The following CNST variants were observed in gnomAD, a reference collection of about 807,000 sequenced individuals.
CNST encodes consortin, connexin sorting protein.
In CNST, 39 loss-of-function variants were observed where a neutral mutation model predicts 72.4. That is an observed-to-expected ratio of 0.54 (90% CI 0.42 to 0.70). The LOEUF is 0.70. CNST is among the 30% of genes least tolerant of loss of function. CNST has a pLI of 0.00. For missense variants in CNST, 871 were observed against 868.5 expected, an observed-to-expected ratio of 1.00 and a Z score of -0.04; for synonymous variants, 332 against 320.1, an observed-to-expected ratio of 1.04 and a Z score of -0.40.
At chr1:246,639,890 G>A (rs1178843525) in intron 6 of CNST, among the ~76,000 whole-genome samples, 2 of 150,728 alleles carry the variant, frequency 1.3e-5, no homozygotes, top group African/African-American at 4.9e-5. Context: ...AACAGGAAGT[G>A]TCCCTGTCTG....
At position 246,604,058 on chromosome 1, in the gene CNST, C is replaced by T. The variant is rs1662502666; in HGVS notation, c.379+12117C>T. On this transcript the variant is annotated intron_variant, in intron 2 of 10. Coordinates refer to ENST00000366513, the MANE Select transcript of CNST (RefSeq NM_152609.3). ...GGCCAACTGGCCAACACGGTGAAAC[C>T]CCATCTCTACTAAAACTACAAAAAC... Among the ~76,000 whole-genome samples the T allele has an allele frequency of 2.6e-5, 4 of 152,196 alleles. No individual in the cohort carries two copies. In the South Asian group the frequency reaches 8.3e-4, roughly 32 times the overall value.
chr1:246,652,968 C>T (rs1666566809), intron 9 of CNST, among the ~76,000 whole-genome samples: 1 of 150,828 alleles, frequency 6.6e-6, no homozygotes, highest in Non-Finnish European at 1.5e-5. Context: ...TGCACCACTG[C>T]ACTCCAGCCT....
At chr1:246,566,841 T>C in intron 1 of CNST, 178 bp downstream of exon 1, 2 of 395,124 alleles carry the variant, frequency 5.1e-6, no homozygotes, top group Non-Finnish European at 8.9e-6. Context: ...GTCGCCTGTT[T>C]TCCTCTCCTT....
chr1:246,605,043 C>A (rs555959557), intron 2 of CNST, among the ~76,000 whole-genome samples: 2 of 152,086 alleles, frequency 1.3e-5, no homozygotes, highest in African/African-American at 2.4e-5. Context: ...TTCAGACATA[C>A]GAGAAAATCA....
chr1:246,605,958 T>TC (rs1230560213), intron 2 of CNST: 4 of 151,618 alleles, frequency 2.6e-5, no homozygotes, highest in South Asian at 2.1e-4. Context: ...GAGTTATTCA[T>TC]CCCCCCAAGC....
intron 9 of CNST, among the ~76,000 whole-genome samples, chr1:246,654,532 C>G (rs1182965715): frequency 6.6e-6 from 1 of 152,220 alleles, no homozygotes; most frequent in Non-Finnish European, 1.5e-5. Flanking sequence ...TCCTGTCTAG[C>G]TGTAATCTCT....
At chr1:246,573,861 G>GAA (rs11399411) in intron 1 of CNST, among the ~76,000 whole-genome samples, 1 of 151,956 alleles carries the variant, frequency 6.6e-6, no homozygotes, top group Admixed American at 6.6e-5. Flanking sequence ...CAGTGTAAGT[G>GAA]AAAAAATGTG....
chr1:246,600,448 G>C (rs1452277517), intron 2 of CNST, among the ~76,000 whole-genome samples: 2 of 152,140 alleles, frequency 1.3e-5, no homozygotes, highest in Non-Finnish European at 2.9e-5. Context: ...AGAGTTAAGG[G>C]GTTTTACAGT....
intron 6 of CNST, among the ~76,000 whole-genome samples, chr1:246,639,808 A>G (rs1365371806): frequency 6.6e-6 from 1 of 152,226 alleles, no homozygotes; most frequent in Non-Finnish European, 1.5e-5. Context: ...GCACCTGGGT[A>G]TAGACGGGCT....
chr1:246,658,937 C>T (rs961142848), intron 9 of CNST, among the ~76,000 whole-genome samples: 10 of 152,192 alleles, frequency 6.6e-5, no homozygotes, highest in African/African-American at 2.4e-4. Flanking sequence ...TCTTCCTGCA[C>T]CTTGGAGTCT....
chr1:246,635,063 C>T (rs1330350545), intron 6 of CNST, among the ~76,000 whole-genome samples: 3 of 152,114 alleles, frequency 2.0e-5, no homozygotes, highest in Non-Finnish European at 4.4e-5. Context: ...GGGACTGGGT[C>T]TGAGGAGGGA....
intron 8 of CNST, among the ~76,000 whole-genome samples, chr1:246,646,849 A>T (rs993298228): frequency 3.3e-5 from 5 of 152,236 alleles, no homozygotes; most frequent in African/African-American, 1.2e-4. Flanking sequence ...AGTTTAATAA[A>T]GTTCAGAATA....
At chr1:246,583,512 A>G (rs971859054) in intron 1 of CNST, among the ~76,000 whole-genome samples, 1 of 152,172 alleles carries the variant, frequency 6.6e-6, no homozygotes, top group African/African-American at 2.4e-5. Flanking sequence ...TTTATTAGCT[A>G]CTTTTAGAAT....
rs1307114962 is a variant in CNST at position 246,619,966 on chromosome 1, C to T, written c.380-1463C>T. Among the ~76,000 whole-genome samples, 9 of 85,708 alleles carry T rather than the reference C, an allele frequency of 1.1e-4. No individual in the cohort carries two copies. The East Asian group carries it at 2.4e-3, about 23-fold the overall frequency. The allele number at this position is 85,708 out of a possible 152,430, so 56.2% of individuals were successfully genotyped here. A position where few individuals can be genotyped will look rare whatever the true frequency, so the allele number is the denominator to read the frequency against. On this transcript the variant is annotated intron_variant, in intron 2 of 10. Coordinates refer to ENST00000366513, the MANE Select transcript of CNST (RefSeq NM_152609.3). The stretch of plus-strand genomic sequence containing the variant: ...GGGAGGACGGCTTCAGTCGTGCATA[C>T]ACACGATGGGCTCTGGGAACACTCT...
intron 2 of CNST, chr1:246,607,777 A>T (rs1046508451): frequency 1.3e-5 from 2 of 152,168 alleles, no homozygotes; most frequent in African/African-American, 4.8e-5. Context: ...GGGAGGAGTT[A>T]TTCATCCCCC....
rs532248242 is a variant in CNST at position 246,638,711 on chromosome 1, A to G, written c.819-3038A>G. 1.9e-4 allele frequency among the ~76,000 whole-genome samples: 29 copies of G among 152,248 alleles called. No individual in the cohort carries two copies. The East Asian group carries it at 5.4e-3, about 28-fold the overall frequency. On this transcript the variant is annotated intron_variant, in intron 6 of 10. Transcript: ENST00000366513. Reference sequence around the variant, plus strand: ...GCATGTCGGCATCCTTGATGTAGGAAGGAACTGCCATCTACAAACCAAGTA... The same window carrying G: ...GCATGTCGGCATCCTTGATGTAGGAGGGAACTGCCATCTACAAACCAAGTA...
intron 1 of CNST, among the ~76,000 whole-genome samples, chr1:246,580,572 C>T (rs1660714747): frequency 6.6e-6 from 1 of 152,168 alleles, no homozygotes; most frequent in South Asian, 2.1e-4. Context: ...TTAACTTCCA[C>T]AGTACTTTGT....
At chr1:246,609,679 A>G (rs1401031120) in intron 2 of CNST, among the ~76,000 whole-genome samples, 2 of 152,240 alleles carry the variant, frequency 1.3e-5, no homozygotes, top group East Asian at 3.8e-4. Flanking sequence ...GGAGCAGGGC[A>G]GAGAGATTCT....
At chr1:246,600,405 T>C (rs979832535) in intron 2 of CNST, among the ~76,000 whole-genome samples, 3 of 152,120 alleles carry the variant, frequency 2.0e-5, no homozygotes, top group Admixed American at 6.5e-5. Flanking sequence ...GTGTGGAGAA[T>C]TGGTTGGAGC....
Sources: gnomAD v4.1 joint callset for allele counts (sites outside exome capture counted in the v4.1 genomes callset) on GRCh38, gnomAD v4.1.1 for gene constraint, MANE v1.5 for transcripts, NCBI Gene and HGNC (gene_info 2026-07-23, HGNC 2026-07-21) for gene names.